Variants in SLC2A12 observed in about 807,000 individuals in gnomAD.
SLC2A12 encodes solute carrier family 2, facilitated glucose transporter member 12.
A neutral mutation model predicts 41.8 loss-of-function variants in SLC2A12; 23 were observed. That is an observed-to-expected ratio of 0.55 (90% CI 0.40 to 0.78). The LOEUF is 0.78. Among genes scored for constraint, SLC2A12 ranks in the 30% least tolerant of loss-of-function variants. The pLI, the probability that SLC2A12 is intolerant of heterozygous loss-of-function variation, is 0.00. For missense variants in SLC2A12, 654 were observed against 745.6 expected, an observed-to-expected ratio of 0.88 and a Z score of 1.43; for synonymous variants, 295 against 285.9, an observed-to-expected ratio of 1.03 and a Z score of -0.32.
At chr6:134,024,725 T>C (rs184505922) in intron 2 of SLC2A12, among the ~76,000 whole-genome samples, 1 of 152,348 alleles carries the variant, frequency 6.6e-6, no homozygotes, top group Admixed American at 6.5e-5. Context: ...ATGTATCTTA[T>C]ATAAATGGTC....
rs998583092 is a variant in SLC2A12 at position 134,009,570 on chromosome 6, C to T, written c.1445-2636G>A. 2.0e-5 allele frequency among the ~76,000 whole-genome samples: 3 copies of T among 152,220 alleles called. No individual in the cohort carries two copies. The East Asian group carries it at 5.8e-4, about 29-fold the overall frequency. On this transcript the variant is annotated intron_variant, in intron 2 of 4. Transcript: ENST00000275230. Reference sequence around the variant, plus strand: ...AATAAGAATATTGAGCCTGTAATCCCAGCACTTTGGGAGGCTGAGGTGAGA... The same window carrying T: ...AATAAGAATATTGAGCCTGTAATCCTAGCACTTTGGGAGGCTGAGGTGAGA...
intron 1 of SLC2A12, among the ~76,000 whole-genome samples, chr6:134,044,195 A>G (rs1187074508): frequency 6.6e-6 from 1 of 152,142 alleles, no homozygotes; most frequent in Non-Finnish European, 1.5e-5. Context: ...CACATAATAC[A>G]TGTATAATAT....
At chr6:134,037,383 C>T (rs572806134) in intron 1 of SLC2A12, among the ~76,000 whole-genome samples, 9 of 144,938 alleles carry the variant, frequency 6.2e-5, no homozygotes, top group South Asian at 4.4e-4. Flanking sequence ...TTTTTTCAGA[C>T]GGAGTCTGGC....
Position 133,988,309 on chromosome 6 carries a change from G to T in SLC2A12, c.*2846C>A, listed in dbSNP as rs1776567236. 1 of 152,162 alleles carries T rather than the reference G, an allele frequency of 6.6e-6. No homozygotes were observed. Among genetic ancestry groups the T allele is most frequent in the Non-Finnish European group, 1.5e-5 (1 of 68,012 alleles). 9.4% of individuals were successfully genotyped at this position (152,162 alleles called of 1,614,324 possible). A position where few individuals can be genotyped will look rare whatever the true frequency, so the allele number is the denominator to read the frequency against. On this transcript the variant is annotated 3_prime_UTR_variant, in exon 5 of 5. Transcript: ENST00000275230. Reference sequence around the variant, plus strand: ...CAGGAGCCCTGATGTGGTAATACAGGATCAAGCTGTAGTTGTGCCCTGTCA... The same window carrying T: ...CAGGAGCCCTGATGTGGTAATACAGTATCAAGCTGTAGTTGTGCCCTGTCA...
intron 2 of SLC2A12, among the ~76,000 whole-genome samples, chr6:134,024,225 T>A (rs1384130481): frequency 6.6e-6 from 1 of 152,202 alleles, no homozygotes; most frequent in Non-Finnish European, 1.5e-5. Context: ...AAGACATGAG[T>A]GCTGCAGTTT....
chr6:134,002,788 T>C (rs922562591), intron 3 of SLC2A12, among the ~76,000 whole-genome samples: 45 of 152,198 alleles, frequency 3.0e-4, no homozygotes, highest in African/African-American at 1.0e-3. Flanking sequence ...GTAAAAGCCA[T>C]CAACTTGCCA....
At chr6:134,001,072 G>A (rs1023408142) in intron 4 of SLC2A12, among the ~76,000 whole-genome samples, 1 of 151,886 alleles carries the variant, frequency 6.6e-6, no homozygotes, top group Non-Finnish European at 1.5e-5. Context: ...AACCTGTTGG[G>A]GGGAGCTAGA....
chr6:134,037,384 G>A (rs538208315), intron 1 of SLC2A12, among the ~76,000 whole-genome samples: 185 of 148,880 alleles, frequency 1.2e-3, no homozygotes, highest in African/African-American at 4.4e-3. Context: ...TTTTTCAGAC[G>A]GAGTCTGGCT....
intron 1 of SLC2A12, among the ~76,000 whole-genome samples, chr6:134,031,199 C>A (rs1194982216): frequency 2.0e-5 from 3 of 152,126 alleles, no homozygotes; most frequent in African/African-American, 7.2e-5. Flanking sequence ...CAAGACCAGC[C>A]TGGCCAACAT....
At chr6:134,010,310 GCT>G (rs998293040) in intron 2 of SLC2A12, among the ~76,000 whole-genome samples, 3 of 152,098 alleles carry the variant, frequency 2.0e-5, no homozygotes, top group African/African-American at 4.8e-5. Flanking sequence ...AAAAGTAGTG[GCT>G]CTCTCTGGGA....
At chr6:134,034,441 C>T (rs549028688) in intron 1 of SLC2A12, among the ~76,000 whole-genome samples, 17 of 152,280 alleles carry the variant, frequency 1.1e-4, no homozygotes, top group African/African-American at 4.1e-4. Flanking sequence ...TTCTAATTCA[C>T]TGTATAAGGC....
chr6:134,018,303 AT>A (rs1460962328), intron 2 of SLC2A12, among the ~76,000 whole-genome samples: 1 of 152,152 alleles, frequency 6.6e-6, no homozygotes, highest in African/African-American at 2.4e-5. Flanking sequence ...AGATTCCTTC[AT>A]TTAACTCGAC....
intron 4 of SLC2A12, 51 bp downstream of exon 4, chr6:134,001,946 G>A (rs1776758650): frequency 1.9e-6 from 3 of 1,573,300 alleles, no homozygotes; most frequent in East Asian, 4.6e-5. Context: ...TATAAAAGCT[G>A]CACTTTTGAC....
chr6:134,044,715 A>T (rs1245755954), intron 1 of SLC2A12, among the ~76,000 whole-genome samples: 11 of 112,556 alleles, frequency 9.8e-5, no homozygotes, highest in African/African-American at 4.4e-4. Flanking sequence ...ACTCCGTCTA[A>T]AAAAAAAAAA....
At chr6:134,019,253 T>C (rs1313623720) in intron 2 of SLC2A12, among the ~76,000 whole-genome samples, 1 of 152,214 alleles carries the variant, frequency 6.6e-6, no homozygotes. Context: ...AGTGGCTATT[T>C]TAAGGAGGGC....
chr6:134,044,235 G>A (rs1364754017), intron 1 of SLC2A12, among the ~76,000 whole-genome samples: 1 of 152,090 alleles, frequency 6.6e-6, no homozygotes, highest in African/African-American at 2.4e-5. Flanking sequence ...AAGGATTCCT[G>A]ATCCCTCATC....
chr6:134,030,991 T>C (rs1055450250), intron 1 of SLC2A12, among the ~76,000 whole-genome samples: 1 of 152,222 alleles, frequency 6.6e-6, no homozygotes, highest in Non-Finnish European at 1.5e-5. Context: ...GAGGAGTTTG[T>C]TGCCTTGGTT....
At chr6:134,017,833 G>A (rs1400374042) in intron 2 of SLC2A12, among the ~76,000 whole-genome samples, 1 of 151,454 alleles carries the variant, frequency 6.6e-6, no homozygotes. Flanking sequence ...CATCCAGCCT[G>A]GGCGACAGAG....
At chr6:134,020,537 G>A (rs1269982884) in intron 2 of SLC2A12, among the ~76,000 whole-genome samples, 1 of 152,030 alleles carries the variant, frequency 6.6e-6, no homozygotes, top group Non-Finnish European at 1.5e-5. Context: ...AATTACTACA[G>A]GATATTTTCT....
Sources: allele counts gnomAD v4.1 joint callset (sites outside exome capture counted in the v4.1 genomes callset), GRCh38; gene constraint gnomAD v4.1.1; transcripts MANE v1.5; gene names NCBI Gene and HGNC (gene_info 2026-07-23, HGNC 2026-07-21).